Variants in FILIP1 observed in about 807,000 individuals in gnomAD.
FILIP1 encodes filamin A interacting protein 1, also known as filamin-A-interacting protein 1.
In FILIP1, 61 loss-of-function variants were observed where a neutral mutation model predicts 102.1. That is an observed-to-expected ratio of 0.60 (90% CI 0.49 to 0.74). The LOEUF is 0.74. Among genes scored for constraint, FILIP1 ranks in the 30% least tolerant of loss-of-function variants. FILIP1 has a pLI of 0.00. For missense variants in FILIP1, 1,314 were observed against 1,441.2 expected, an observed-to-expected ratio of 0.91 and a Z score of 1.43; for synonymous variants, 491 against 526.9, an observed-to-expected ratio of 0.93 and a Z score of 0.93.
intron 2 of FILIP1, 160 bp from the exon 3 acceptor site, chr6:75,363,077 C>T (rs1228213694): frequency 1.7e-6 from 1 of 588,686 alleles, no homozygotes; most frequent in Non-Finnish European, 2.9e-6. Flanking sequence ...TAACCAAAAG[C>T]AGATTGGCAA....
intron 6 of FILIP1, among the ~76,000 whole-genome samples, chr6:75,297,384 A>G (rs1456005264): frequency 6.6e-6 from 1 of 152,168 alleles, no homozygotes; most frequent in African/African-American, 2.4e-5. Flanking sequence ...ATGATGACCA[A>G]TAGGTGGAGC....
chr6:75,376,390 T>C (rs1775753306), intron 2 of FILIP1, among the ~76,000 whole-genome samples: 1 of 152,176 alleles, frequency 6.6e-6, no homozygotes, highest in Non-Finnish European at 1.5e-5. Context: ...AGATTTTTCA[T>C]GGGCTAATGT....
rs74438030 is a variant in FILIP1 at position 75,329,670 on chromosome 6, T to C, written c.630-14468A>G. On this transcript the variant is annotated intron_variant, in intron 4 of 5. Coordinates refer to ENST00000237172, the MANE Select transcript of FILIP1 (RefSeq NM_015687.5). ...AAGTCTTTAGTCACAATGTGTTTTT[T>C]CCCAACTAGAGTACAGTATAGAGCT... is the stretch of plus-strand genomic sequence containing the variant. Among the ~76,000 whole-genome samples the C allele has an allele frequency of 9.2e-3, 1,408 of 152,278 alleles. 26 individuals carry two copies. The highest frequency in any genetic ancestry group is 0.031 in the African/African-American group (1,299 of 41,552).
intron 2 of FILIP1, among the ~76,000 whole-genome samples, chr6:75,396,975 T>G (rs1776482228): frequency 8.0e-6 from 1 of 125,346 alleles, no homozygotes; most frequent in Non-Finnish European, 1.6e-5. Context: ...CGAAAACACA[T>G]GGACACAGGA....
chr6:75,326,490 T>C (rs1303047255), intron 4 of FILIP1, among the ~76,000 whole-genome samples: 1 of 152,216 alleles, frequency 6.6e-6, no homozygotes, highest in East Asian at 1.9e-4. Context: ...AAACCACCTG[T>C]TCCCCAAAAA....
At chr6:75,360,351 G>A (rs980069997) in intron 3 of FILIP1, among the ~76,000 whole-genome samples, 16 of 152,150 alleles carry the variant, frequency 1.1e-4, no homozygotes, top group African/African-American at 3.6e-4. Flanking sequence ...TCTGATAATT[G>A]CATGTGTCCT....
chr6:75,331,330 T>C (rs1054039708), intron 4 of FILIP1, among the ~76,000 whole-genome samples: 4 of 152,158 alleles, frequency 2.6e-5, no homozygotes, highest in Non-Finnish European at 5.9e-5. Flanking sequence ...AGGCCCATAT[T>C]TGAGATTCAC....
intron 1 of FILIP1, among the ~76,000 whole-genome samples, chr6:75,484,516 C>T (rs1003189788): frequency 8.5e-5 from 13 of 152,204 alleles, no homozygotes; most frequent in African/African-American, 4.8e-5. Context: ...ATATTGGATG[C>T]GAATTAAAAT....
At chr6:75,417,068 AC>A (rs1377277575) in intron 1 of FILIP1, among the ~76,000 whole-genome samples, 1 of 152,060 alleles carries the variant, frequency 6.6e-6, no homozygotes, top group Non-Finnish European at 1.5e-5. Flanking sequence ...AAAAAATTCC[AC>A]CCATTTTAGA....
Position 75,414,911 on chromosome 6 carries a change from G to A in FILIP1, c.62C>T (p.Pro21Leu). 1 of 1,613,724 alleles carries A rather than the reference G, an allele frequency of 6.2e-7. No individual in the cohort carries two copies. The highest frequency in any genetic ancestry group is 8.5e-7 in the Non-Finnish European group (1 of 1,179,840). Reference protein sequence around the residue: ...ASDGHISCPKPSIIGNAGEKS... With the variant: ...ASDGHISCPKLSIIGNAGEKS... ...TTCACCAGCATTGCCGATGATGGAG[G>A]GCTTGGGACAGGAGATATGCCCATC... is the stretch of plus-strand genomic sequence containing the variant. Residue 21 changes from proline to leucine, a missense_variant, in exon 2 of 6, where the codon CCC (proline) becomes CTC (leucine). By Grantham distance (98) the Pro-to-Leu change is moderately conservative (BLOSUM62 -3). Around this residue, in one of 3 missense-constraint regions of FILIP1, gnomAD observed 494 missense variants for 511.2 expected, o/e 0.97. Transcript: ENST00000237172.
intron 6 of FILIP1, among the ~76,000 whole-genome samples, chr6:75,301,022 T>C (rs1772823109): frequency 6.6e-6 from 1 of 152,184 alleles, no homozygotes; most frequent in African/African-American, 2.4e-5. Flanking sequence ...AATTAAGTAA[T>C]GGAAAAATAG....
intron 2 of FILIP1, among the ~76,000 whole-genome samples, chr6:75,379,442 T>C (rs1437169310): frequency 6.6e-6 from 1 of 152,220 alleles, no homozygotes; most frequent in Non-Finnish European, 1.5e-5. Flanking sequence ...GAGAGGTCTA[T>C]CATTGAATTT....
chr6:75,399,842 G>C (rs1776593811), intron 2 of FILIP1, among the ~76,000 whole-genome samples: 2 of 152,042 alleles, frequency 1.3e-5, no homozygotes, highest in South Asian at 4.2e-4. Context: ...TTTAATCTTT[G>C]TATTATGAAA....
intron 1 of FILIP1, among the ~76,000 whole-genome samples, chr6:75,481,486 C>T (rs1166367015): frequency 6.6e-6 from 1 of 152,154 alleles, no homozygotes; most frequent in Non-Finnish European, 1.5e-5. Flanking sequence ...TCCTGATTCC[C>T]ACCTCCCTGC....
chr6:75,483,489 A>G (rs1360173344), intron 1 of FILIP1, among the ~76,000 whole-genome samples: 1 of 152,226 alleles, frequency 6.6e-6, no homozygotes, highest in African/African-American at 2.4e-5. Flanking sequence ...GGTAAAGTAC[A>G]TGTGCCCAAA....
chr6:75,367,151 C>T (rs1279282282), intron 2 of FILIP1, among the ~76,000 whole-genome samples: 1 of 152,158 alleles, frequency 6.6e-6, no homozygotes, highest in Non-Finnish European at 1.5e-5. Flanking sequence ...TTTCCTCCCC[C>T]GAAATACACT....
chr6:75,318,954 C>T (rs1773539745), intron 4 of FILIP1: 9 of 549,510 alleles, frequency 1.6e-5, no homozygotes, highest in African/African-American at 3.9e-5. Context: ...CAATTTTTTT[C>T]TTTAAAAAGA....
At chr6:75,362,718 G>A (rs770496131) in intron 3 of FILIP1, 26 bp downstream of exon 3, 1 of 1,605,912 alleles carries the variant, frequency 6.2e-7, no homozygotes, top group Non-Finnish European at 8.5e-7. Context: ...TCCCATCCAG[G>A]GGACTTGTTG....
chr6:75,348,600 A>G (rs1333769366), intron 4 of FILIP1, among the ~76,000 whole-genome samples: 1 of 152,226 alleles, frequency 6.6e-6, no homozygotes, highest in African/African-American at 2.4e-5. Flanking sequence ...GAGTTAAGCA[A>G]TTCCTGGAAA....
Sources: allele counts gnomAD v4.1 joint callset (sites outside exome capture counted in the v4.1 genomes callset), GRCh38; gene constraint gnomAD v4.1.1; regional missense constraint gnomAD v4.1.1; transcripts MANE v1.5; gene names NCBI Gene and HGNC (gene_info 2026-07-23, HGNC 2026-07-21).